CPPED1: variants seen among roughly 807,000 people sequenced by gnomAD.
CPPED1 encodes calcineurin like phosphoesterase domain containing 1.
A neutral mutation model predicts 28.0 loss-of-function variants in CPPED1; 28 were observed. The ratio of observed to expected loss-of-function variants is 1.00; its 90% confidence interval spans 0.74 to 1.37. The LOEUF (loss-of-function observed/expected upper bound fraction) is 1.37. CPPED1 is among the 40% of genes most tolerant of loss of function. The pLI, the probability that CPPED1 is intolerant of heterozygous loss-of-function variation, is 0.00. For synonymous variants in CPPED1, 198 were observed against 180.2 expected, an observed-to-expected ratio of 1.10 and a Z score of -0.79; for missense variants, 504 against 416.5, an observed-to-expected ratio of 1.21 and a Z score of -1.83.
chr16:12,704,554 G>A, intron 3 of CPPED1, 70 bp downstream of exon 3: 1 of 1,467,932 alleles, frequency 6.8e-7, no homozygotes, highest in Non-Finnish European at 9.3e-7. Context: ...AGAGAGACGG[G>A]AGAAAGATCT....
intron 1 of CPPED1, among the ~76,000 whole-genome samples, chr16:12,797,338 T>C (rs2080633461): frequency 6.6e-6 from 1 of 152,046 alleles, no homozygotes; most frequent in African/African-American, 2.4e-5. Flanking sequence ...ATTGCTCGGG[T>C]CCAAGAGTTC....
At chr16:12,756,548 C>T (rs767675738) in intron 2 of CPPED1, among the ~76,000 whole-genome samples, 3 of 151,908 alleles carry the variant, frequency 2.0e-5, no homozygotes, top group Non-Finnish European at 4.4e-5. Context: ...AAAAAATTAG[C>T]TGGGTGTGAT....
intron 2 of CPPED1, among the ~76,000 whole-genome samples, chr16:12,718,873 G>A (rs1460015489): frequency 1.3e-5 from 2 of 152,168 alleles, no homozygotes; most frequent in African/African-American, 4.8e-5. Context: ...TGAGGCAGGA[G>A]AATCATTTGA....
chr16:12,724,658 T>C (rs1203184120), intron 2 of CPPED1, among the ~76,000 whole-genome samples: 1 of 152,248 alleles, frequency 6.6e-6, no homozygotes, highest in Admixed American at 6.5e-5. Flanking sequence ...ATTTCAAGGC[T>C]TGAACATTTC....
chr16:12,795,077 A>AT (rs2080618904), intron 1 of CPPED1, among the ~76,000 whole-genome samples: 6 of 151,998 alleles, frequency 3.9e-5, no homozygotes, highest in Admixed American at 3.9e-4. Flanking sequence ...ATTTGCTGTT[A>AT]TTTTTTTTCC....
At chr16:12,761,908 G>A (rs185670654) in intron 2 of CPPED1, among the ~76,000 whole-genome samples, 30 of 152,150 alleles carry the variant, frequency 2.0e-4, no homozygotes, top group East Asian at 9.7e-4. Context: ...CTACTCACTC[G>A]GGAGGCTGAG....
intron 1 of CPPED1, among the ~76,000 whole-genome samples, chr16:12,782,316 A>G (rs867650783): frequency 1.3e-5 from 2 of 152,190 alleles, no homozygotes; most frequent in South Asian, 2.1e-4. Context: ...TGACAGACCA[A>G]TGTTGAAAAA....
chr16:12,774,563 T>C (rs948496986), intron 2 of CPPED1, among the ~76,000 whole-genome samples: 1 of 152,194 alleles, frequency 6.6e-6, no homozygotes, highest in Non-Finnish European at 1.5e-5. Flanking sequence ...TCTTGATCTG[T>C]TATGAATGCA....
intron 3 of CPPED1, among the ~76,000 whole-genome samples, chr16:12,676,773 T>C (rs2079879934): frequency 6.6e-6 from 1 of 152,192 alleles, no homozygotes; most frequent in Non-Finnish European, 1.5e-5. Flanking sequence ...ATAATGATGA[T>C]AATAATATTT....
intron 3 of CPPED1, 88 bp downstream of exon 3, chr16:12,704,536 C>A: frequency 7.3e-7 from 1 of 1,366,236 alleles, no homozygotes; most frequent in South Asian, 1.4e-5. Context: ...CCCTTTTTGA[C>A]ACATTGCAGA....
At chr16:12,731,630 G>A (rs1202211300) in intron 2 of CPPED1, among the ~76,000 whole-genome samples, 1 of 151,708 alleles carries the variant, frequency 6.6e-6, no homozygotes, top group African/African-American at 2.4e-5. Context: ...ATACGGAAAT[G>A]GGGAGCCTTC....
At chr16:12,800,333 G>A (rs2080651610) in intron 1 of CPPED1, among the ~76,000 whole-genome samples, 1 of 151,946 alleles carries the variant, frequency 6.6e-6, no homozygotes, top group Non-Finnish European at 1.5e-5. Context: ...AGCTACTCGG[G>A]AGGCTGAAGC....
chr16:12,728,717 T>C (rs1028108821), intron 2 of CPPED1, among the ~76,000 whole-genome samples: 1 of 152,190 alleles, frequency 6.6e-6, no homozygotes, highest in Non-Finnish European at 1.5e-5. Flanking sequence ...GTGCTAATAC[T>C]ATTTTAATGA....
intron 1 of CPPED1, among the ~76,000 whole-genome samples, chr16:12,798,092 A>C (rs1250706458): frequency 6.6e-6 from 1 of 152,118 alleles, no homozygotes; most frequent in African/African-American, 2.4e-5. Flanking sequence ...AAAAGAAATA[A>C]AATACAATAA....
chr16:12,697,435 A>G (rs2079997727), intron 3 of CPPED1, among the ~76,000 whole-genome samples: 1 of 152,088 alleles, frequency 6.6e-6, no homozygotes, highest in South Asian at 2.1e-4. Context: ...CACGCCCTCC[A>G]CTGAAGACCT....
chr16:12,701,986 A>G (rs2080023168), intron 3 of CPPED1, among the ~76,000 whole-genome samples: 1 of 152,156 alleles, frequency 6.6e-6, no homozygotes, highest in African/African-American at 2.4e-5. Context: ...CTTCCCATGT[A>G]GCTCTGCCTA....
rs368304832 is a variant in CPPED1 at position 12,781,209 on chromosome 16, C to T, written c.265G>A (p.Gly89Ser). 4.8e-5 allele frequency: 77 copies of T among 1,613,502 alleles called. No individual in the cohort carries two copies. Among genetic ancestry groups the T allele is most frequent in the Admixed American group, 3.5e-4 (21 of 59,936 alleles). ...NPKPKFFVLC[G>S]DLIHAMPGKP... ...CCTGGCATGGCGTGGATGAGGTCGC[C>T]GCACAGAACGAAGAATTTGGGTTTG... The change falls in exon 2 of 4, where the codon GGC becomes AGC. Residue 89 changes from glycine (G) to serine (S), a missense_variant. By Grantham distance (56) the Gly-to-Ser change is moderately conservative (BLOSUM62 0). Coordinates refer to ENST00000381774, the MANE Select transcript of CPPED1 (RefSeq NM_018340.3).
intron 2 of CPPED1, among the ~76,000 whole-genome samples, chr16:12,758,333 C>G (rs1376907322): frequency 6.6e-6 from 1 of 152,150 alleles, no homozygotes; most frequent in Non-Finnish European, 1.5e-5. Flanking sequence ...CAAATAGCTC[C>G]TAAATGACAT....
intron 2 of CPPED1, among the ~76,000 whole-genome samples, chr16:12,711,638 C>T (rs1338475423): frequency 6.6e-6 from 1 of 152,098 alleles, no homozygotes; most frequent in African/African-American, 2.4e-5. Flanking sequence ...GAAGCAGACA[C>T]ATTCACCATC....
Sources: allele counts gnomAD v4.1 joint callset (sites outside exome capture counted in the v4.1 genomes callset), GRCh38; gene constraint gnomAD v4.1.1; transcripts MANE v1.5; gene names NCBI Gene and HGNC (gene_info 2026-07-23, HGNC 2026-07-21).